The following GALNT10 variants were observed in gnomAD, a reference collection of about 807,000 sequenced individuals.
The protein encoded by GALNT10 is polypeptide N-acetylgalactosaminyltransferase 10, also known as GalNAc transferase 10.
A neutral mutation model predicts 75.0 loss-of-function variants in GALNT10; 41 were observed. That is an observed-to-expected ratio of 0.55 (90% CI 0.43 to 0.71). The LOEUF (loss-of-function observed/expected upper bound fraction) is 0.71. Among genes scored for constraint, GALNT10 ranks in the 30% least tolerant of loss-of-function variants. The pLI, the probability that GALNT10 is intolerant of heterozygous loss-of-function variation, is 0.00. For synonymous variants in GALNT10, 302 were observed against 313.0 expected (o/e 0.96, Z 0.37); for missense variants, 727 against 818.5 (o/e 0.89, Z 1.36).
chr5:154,281,616 C>A (rs907216936), intron 1 of GALNT10, among the ~76,000 whole-genome samples: 1 of 152,196 alleles, frequency 6.6e-6, no homozygotes, highest in African/African-American at 2.4e-5. Flanking sequence ...TTGGGTCCTC[C>A]TTCAAGGACC....
At position 154,376,194 on chromosome 5, in the gene GALNT10, G is replaced by GTGCA; in HGVS notation, c.569-82_569-79dup. 2 of 859,318 alleles carry GTGCA rather than the reference G, an allele frequency of 2.3e-6. No homozygotes were observed. The highest frequency in any genetic ancestry group is 3.9e-6 in the Non-Finnish European group (2 of 514,192). 53.2% of individuals were successfully genotyped at this position (859,318 alleles called of 1,614,324 possible). A position where few individuals can be genotyped will look rare whatever the true frequency, so the allele number is the denominator to read the frequency against. ...AGGAAAGCTGTGTCTAGACTGTGAA[G>GTGCA]TGCAGTTCACATGTAAGGGAGGAGT... On this transcript the variant is annotated intron_variant, in intron 4 of 11. Transcript: ENST00000297107. This position sits in a 1 kb window ranked among gnomAD's most constrained non-coding sequence, Gnocchi z 4.1.
At chr5:154,213,027 G>A (rs1410146451) in intron 1 of GALNT10, among the ~76,000 whole-genome samples, 2 of 151,144 alleles carry the variant, frequency 1.3e-5, no homozygotes, top group African/African-American at 2.4e-5. Context: ...AAATTTCAAC[G>A]CTTCTACTTT....
chr5:154,316,091 G>A (rs571294633), intron 3 of GALNT10, among the ~76,000 whole-genome samples: 12 of 152,298 alleles, frequency 7.9e-5, no homozygotes, highest in African/African-American at 2.9e-4. Flanking sequence ...ATTTTTATTA[G>A]TGGGAGTTTT....
intron 4 of GALNT10, chr5:154,356,433 G>T: frequency 3.5e-6 from 1 of 288,426 alleles, no homozygotes; most frequent in South Asian, 2.9e-5. Flanking sequence ...GCTGGGGGAG[G>T]GAGCCTCAAG....
At chr5:154,358,709 C>T (rs1755335122) in intron 4 of GALNT10, among the ~76,000 whole-genome samples, 1 of 152,030 alleles carries the variant, frequency 6.6e-6, no homozygotes, top group African/African-American at 2.4e-5. Flanking sequence ...ACCTTCAGTA[C>T]AAACATCCTG....
chr5:154,378,555 G>A (rs1425310094), intron 5 of GALNT10, among the ~76,000 whole-genome samples: 3 of 152,184 alleles, frequency 2.0e-5, no homozygotes, highest in Non-Finnish European at 4.4e-5. Flanking sequence ...GCTGAGTGCT[G>A]ACTATGTGCC....
intron 3 of GALNT10, among the ~76,000 whole-genome samples, chr5:154,299,678 A>T (rs539626097): frequency 6.6e-6 from 1 of 152,324 alleles, no homozygotes; most frequent in African/African-American, 2.4e-5. Flanking sequence ...TACCATGATC[A>T]TCTCTACTTT....
intron 4 of GALNT10, among the ~76,000 whole-genome samples, chr5:154,374,240 C>T (rs536429992): frequency 6.6e-6 from 1 of 152,184 alleles, no homozygotes; most frequent in Admixed American, 6.5e-5. Flanking sequence ...TGGGAAAGGG[C>T]GAGGGAAGCC....
chr5:154,414,591 G>T (rs1453361198), intron 10 of GALNT10, among the ~76,000 whole-genome samples: 1 of 151,796 alleles, frequency 6.6e-6, no homozygotes, highest in South Asian at 2.1e-4. Context: ...GGGTTGGTGG[G>T]GACAGGAGGA....
chr5:154,259,112 C>G (rs950819325), intron 1 of GALNT10, among the ~76,000 whole-genome samples: 1 of 152,104 alleles, frequency 6.6e-6, no homozygotes, highest in Non-Finnish European at 1.5e-5. Flanking sequence ...CCCATTGATG[C>G]CTTTTTTATT....
At chr5:154,327,445 A>G (rs1754771873) in intron 3 of GALNT10, among the ~76,000 whole-genome samples, 1 of 152,204 alleles carries the variant, frequency 6.6e-6, no homozygotes, top group Admixed American at 6.5e-5. Context: ...TTATCGTAAA[A>G]CAAAGAAGCT....
At chr5:154,260,978 C>T (rs534898059) in intron 1 of GALNT10, among the ~76,000 whole-genome samples, 4 of 151,218 alleles carry the variant, frequency 2.6e-5, no homozygotes, top group Non-Finnish European at 5.9e-5. Context: ...GTGTAGACAC[C>T]GGCCATTCTG....
At chr5:154,192,749 G>T (rs934778298) in intron 1 of GALNT10, among the ~76,000 whole-genome samples, 4 of 152,162 alleles carry the variant, frequency 2.6e-5, no homozygotes, top group African/African-American at 9.7e-5. Flanking sequence ...TCAAGGGGGA[G>T]TGTCCTACCC....
chr5:154,313,726 C>T (rs1754557859), intron 3 of GALNT10, among the ~76,000 whole-genome samples: 1 of 152,140 alleles, frequency 6.6e-6, no homozygotes, highest in Non-Finnish European at 1.5e-5. Flanking sequence ...TCTGTCTCAT[C>T]CCCGAGAGGA....
chr5:154,216,976 C>T (rs958083168), intron 1 of GALNT10, among the ~76,000 whole-genome samples: 1 of 152,158 alleles, frequency 6.6e-6, no homozygotes, highest in Non-Finnish European at 1.5e-5. Context: ...TCTGCCCAAC[C>T]CCGGGAAGCA....
At chr5:154,230,636 T>C (rs1380097053) in intron 1 of GALNT10, among the ~76,000 whole-genome samples, 2 of 152,254 alleles carry the variant, frequency 1.3e-5, no homozygotes, top group Non-Finnish European at 2.9e-5. Context: ...AGTTCTGTGC[T>C]TCTGAGACTT....
At chr5:154,204,036 A>G (rs1193610245) in intron 1 of GALNT10, among the ~76,000 whole-genome samples, 1 of 152,202 alleles carries the variant, frequency 6.6e-6, no homozygotes, top group Non-Finnish European at 1.5e-5. Flanking sequence ...TTGCCAGGCC[A>G]TGGTTTGCTG....
intron 1 of GALNT10, among the ~76,000 whole-genome samples, chr5:154,191,381 G>A (rs1353949772): frequency 1.3e-5 from 2 of 151,814 alleles, no homozygotes; most frequent in Middle Eastern, 3.4e-3. Context: ...CAATAGGAAT[G>A]AAGATTCTGG....
chr5:154,402,689 G>C lies in GALNT10; in HGVS notation c.1057-1415G>C, dbSNP rs1756193263. On this transcript the variant is annotated intron_variant, in intron 7 of 11. Transcript: ENST00000297107. This position sits in a 1 kb window ranked among gnomAD's most constrained non-coding sequence, Gnocchi z 4.2. The stretch of plus-strand genomic sequence containing the variant: ...GCCGCAGTCATCTGCAGGCTTGACT[G>C]TGACCACGACCTCTGCTTCTTGGTG... The C allele has an allele frequency of 6.6e-6, 1 of 152,270 alleles. No homozygotes were observed. Among genetic ancestry groups the C allele is most frequent in the South Asian group, 2.1e-4 (1 of 4,836 alleles). The allele number at this position is 152,270 out of a possible 1,614,324, so 9.4% of individuals were successfully genotyped here.
Sources: gnomAD v4.1 joint callset for allele counts (sites outside exome capture counted in the v4.1 genomes callset) on GRCh38, gnomAD v4.1.1 for gene constraint, Gnocchi (gnomAD v3.1) non-coding constraint, MANE v1.5 for transcripts, NCBI Gene and HGNC (gene_info 2026-07-23, HGNC 2026-07-21) for gene names.